JPH3: variants seen among roughly 807,000 people sequenced by gnomAD.
The protein encoded by JPH3 is junctophilin-3.
In JPH3, 11 loss-of-function variants were observed where a neutral mutation model predicts 59.6. That is an observed-to-expected ratio of 0.18 (90% confidence interval 0.12 to 0.31). The LOEUF (loss-of-function observed/expected upper bound fraction) is 0.31. JPH3 is among the 10% of genes least tolerant of loss of function. The pLI, the probability that JPH3 is intolerant of heterozygous loss-of-function variation, is 1.00. For synonymous variants in JPH3, 673 were observed against 483.6 expected (o/e 1.39, Z -5.14); for missense variants, 1,202 against 1,105.7 (o/e 1.09, Z -1.24).
intron 1 of JPH3, among the ~76,000 whole-genome samples, chr16:87,633,380 T>A (rs1306914712): frequency 1.4e-5 from 1 of 69,670 alleles, no homozygotes; most frequent in Admixed American, 1.7e-4. Flanking sequence ...ATGCCGGGGG[T>A]GGGGGTGGGT....
At chr16:87,666,423 G>C (rs1411732517) in intron 2 of JPH3, among the ~76,000 whole-genome samples, 3 of 144,794 alleles carry the variant, frequency 2.1e-5, no homozygotes, top group African/African-American at 7.7e-5. Flanking sequence ...ACAGGGTCTT[G>C]CTCTTTTGCC....
At chr16:87,688,048 G>A (rs939559692) in intron 3 of JPH3, among the ~76,000 whole-genome samples, 9 of 152,302 alleles carry the variant, frequency 5.9e-5, no homozygotes, top group South Asian at 2.1e-4. Flanking sequence ...GGGGCTGGGC[G>A]TCAGGTGGGT....
chr16:87,675,973 T>C (rs1396023511), intron 2 of JPH3, among the ~76,000 whole-genome samples: 1 of 152,246 alleles, frequency 6.6e-6, no homozygotes, highest in Non-Finnish European at 1.5e-5. Flanking sequence ...AGAAAGCAGA[T>C]CAGCTGTTGG....
Position 87,697,017 on chromosome 16 carries a change from AGGGCAGCCCG to A in JPH3, c.*364_*373del, listed in dbSNP as rs2033898744. ...CACGTCCCGTCTTGGGTGTGGATGG[AGGGCAGCCCG>A]GGGCAGAGCCTCAGCCCCGCGGCCC... is the stretch of plus-strand genomic sequence containing the variant. On this transcript the variant is annotated 3_prime_UTR_variant, in exon 5 of 5. Coordinates refer to ENST00000284262, the MANE Select transcript of JPH3 (RefSeq NM_020655.4). The A allele has an allele frequency of 3.2e-6, 1 of 316,066 alleles. No individual in the cohort carries two copies. The highest frequency in any genetic ancestry group is 6.2e-6 in the Non-Finnish European group (1 of 162,066). The allele number at this position is 316,066 out of a possible 1,614,324, so 19.6% of individuals were successfully genotyped here.
rs367892000 is a variant in JPH3, at chr16:87,642,286, A to G, written c.383-1972A>G. Among the ~76,000 whole-genome samples the G allele has an allele frequency of 8.0e-4, 122 of 152,084 alleles. No homozygotes were observed. In the South Asian group the frequency reaches 0.025, roughly 31 times the overall value. On this transcript the variant is annotated intron_variant, in intron 1 of 4. Transcript: ENST00000284262. ...GGGAGTGGAGGGCTGCTTCGCTCCGAGAGATGGCGGCACCTGCCACCCGCT... is the reference window on the plus strand; with the variant it reads ...GGGAGTGGAGGGCTGCTTCGCTCCGGGAGATGGCGGCACCTGCCACCCGCT...
At chr16:87,642,515 C>T (rs2031987977) in intron 1 of JPH3, among the ~76,000 whole-genome samples, 1 of 152,200 alleles carries the variant, frequency 6.6e-6, no homozygotes, top group Admixed American at 6.5e-5. Context: ...AGCGGTGGGA[C>T]GAATAAAACC....
intron 1 of JPH3, among the ~76,000 whole-genome samples, chr16:87,617,836 G>A (rs953492952): frequency 1.3e-5 from 2 of 152,222 alleles, no homozygotes; most frequent in East Asian, 1.9e-4. Context: ...TGGAAGGGGC[G>A]GGGCATCTCC....
chr16:87,658,349 T>C (rs1462706534), intron 2 of JPH3, among the ~76,000 whole-genome samples: 9 of 152,070 alleles, frequency 5.9e-5, no homozygotes, highest in Non-Finnish European at 1.2e-4. Flanking sequence ...TCCCTCTCTC[T>C]CTCCTTCTCC....
intron 2 of JPH3, among the ~76,000 whole-genome samples, chr16:87,664,684 A>T (rs905525226): frequency 3.3e-5 from 5 of 152,304 alleles, no homozygotes; most frequent in Admixed American, 2.0e-4. Context: ...CCAGGGTGGA[A>T]CAGGAGCTCC....
intron 4 of JPH3, chr16:87,695,483 C>T (rs565205966): frequency 6.4e-5 from 29 of 455,750 alleles, no homozygotes; most frequent in African/African-American, 5.2e-4. Flanking sequence ...CTCCTTACCA[C>T]AGTGGGGTCT....
intron 2 of JPH3, among the ~76,000 whole-genome samples, chr16:87,680,783 T>A (rs947582976): frequency 6.6e-6 from 1 of 152,248 alleles, no homozygotes; most frequent in Non-Finnish European, 1.5e-5. Context: ...TCCTCCTCCA[T>A]GACGTGCTTG....
chr16:87,672,640 CG>C (rs1187595824), intron 2 of JPH3, among the ~76,000 whole-genome samples: 1 of 152,192 alleles, frequency 6.6e-6, no homozygotes, highest in Non-Finnish European at 1.5e-5. Flanking sequence ...CTGATTGGTG[CG>C]GGTGACGAGG....
intron 1 of JPH3, among the ~76,000 whole-genome samples, chr16:87,629,604 G>A (rs550827462): frequency 5.9e-5 from 9 of 151,766 alleles, no homozygotes; most frequent in Admixed American, 2.0e-4. Flanking sequence ...GCCACATCCC[G>A]TGGGGTTCCA....
intron 4 of JPH3, among the ~76,000 whole-genome samples, chr16:87,693,045 C>T (rs2033646201): frequency 6.6e-6 from 1 of 152,232 alleles, no homozygotes; most frequent in African/African-American, 2.4e-5. Flanking sequence ...GCAGGCTGGC[C>T]CGGCCCAACC....
At chr16:87,692,945 C>T (rs554718018) in intron 4 of JPH3, among the ~76,000 whole-genome samples, 13 of 152,344 alleles carry the variant, frequency 8.5e-5, no homozygotes, top group African/African-American at 1.2e-4. Context: ...GACTAGCATC[C>T]GGCCCTTCCT....
chr16:87,623,672 A>G (rs189400725), intron 1 of JPH3, among the ~76,000 whole-genome samples: 16 of 152,318 alleles, frequency 1.1e-4, no homozygotes, highest in Admixed American at 1.0e-3. Context: ...CTTCGGAGCC[A>G]AAGTGGTGCC....
intron 1 of JPH3, among the ~76,000 whole-genome samples, chr16:87,633,456 C>G (rs1391226617): frequency 6.6e-6 from 1 of 150,974 alleles, no homozygotes; most frequent in African/African-American, 2.5e-5. Context: ...GCAGACATAA[C>G]TATTCAGAAC....
At chr16:87,657,425 G>A (rs548635893) in intron 2 of JPH3, among the ~76,000 whole-genome samples, 1 of 152,246 alleles carries the variant, frequency 6.6e-6, no homozygotes, top group African/African-American at 2.4e-5. Flanking sequence ...CTTCTTCATG[G>A]GTGTAGGGTT....
chr16:87,607,092 G>A (rs551621782), intron 1 of JPH3, among the ~76,000 whole-genome samples: 1 of 152,250 alleles, frequency 6.6e-6, no homozygotes, highest in South Asian at 2.1e-4. Flanking sequence ...CTTTCCTCTC[G>A]TTTATATCTC....
Sources: gnomAD v4.1 joint callset for allele counts (sites outside exome capture counted in the v4.1 genomes callset) on GRCh38, gnomAD v4.1.1 for gene constraint, MANE v1.5 for transcripts, NCBI Gene and HGNC (gene_info 2026-07-23, HGNC 2026-07-21) for gene names.